GABRG3: variants seen among roughly 807,000 people sequenced by gnomAD.
GABRG3 encodes the protein gamma-aminobutyric acid receptor subunit gamma-3.
A neutral mutation model predicts 48.8 loss-of-function variants in GABRG3; 25 were observed. That is an observed-to-expected ratio of 0.51 (90% CI 0.37 to 0.72). The LOEUF is 0.72. Among genes scored for constraint, GABRG3 ranks in the 30% least tolerant of loss-of-function variants. The pLI is 0.00. For synonymous variants in GABRG3, 227 were observed against 217.6 expected (o/e 1.04, Z -0.38); for missense variants, 394 against 577.9 (o/e 0.68, Z 3.26).
intron 5 of GABRG3, among the ~76,000 whole-genome samples, chr15:27,463,377 G>T (rs2150836598): frequency 6.6e-6 from 1 of 152,212 alleles, no homozygotes; most frequent in Non-Finnish European, 1.5e-5. Context: ...TCACTAATTT[G>T]GTATGTAAAT....
intron 3 of GABRG3, among the ~76,000 whole-genome samples, chr15:27,049,919 G>A (rs1896428650): frequency 1.3e-5 from 2 of 152,176 alleles, no homozygotes. Flanking sequence ...CCCTCTTGTG[G>A]ACGGGCTGAT....
At chr15:27,406,427 G>C (rs1449992989) in intron 5 of GABRG3, among the ~76,000 whole-genome samples, 1 of 152,150 alleles carries the variant, frequency 6.6e-6, no homozygotes, top group East Asian at 1.9e-4. Context: ...TGGCATCCAA[G>C]TGATCAAGGT....
intron 3 of GABRG3, among the ~76,000 whole-genome samples, chr15:27,175,335 C>A (rs1048998437): frequency 1.3e-5 from 2 of 152,136 alleles, no homozygotes; most frequent in South Asian, 4.1e-4. Flanking sequence ...TCATCCACAG[C>A]CCTGACACCT....
intron 3 of GABRG3, 44 bp from the exon 4 acceptor site, chr15:27,326,765 T>C (rs1488556226): frequency 2.1e-6 from 3 of 1,461,442 alleles, no homozygotes; most frequent in East Asian, 4.5e-5. Flanking sequence ...ATACAGAACA[T>C]TTATTAATAG....
chr15:27,318,561 C>T (rs1893311065), intron 3 of GABRG3, among the ~76,000 whole-genome samples: 1 of 152,184 alleles, frequency 6.6e-6, no homozygotes, highest in Non-Finnish European at 1.5e-5. Flanking sequence ...CCAGCCCATC[C>T]CTAGGGCCGA....
chr15:27,007,767 G>T (rs972760967), intron 2 of GABRG3, among the ~76,000 whole-genome samples: 2 of 151,674 alleles, frequency 1.3e-5, no homozygotes, highest in African/African-American at 4.8e-5. Flanking sequence ...TTTGTTTTTT[G>T]CTTGCTGGTT....
chr15:27,061,183 C>A (rs1369399066), intron 3 of GABRG3, among the ~76,000 whole-genome samples: 1 of 152,178 alleles, frequency 6.6e-6, no homozygotes, highest in Non-Finnish European at 1.5e-5. Context: ...AAGTGAAAGG[C>A]CAATTGGTTG....
intron 3 of GABRG3, among the ~76,000 whole-genome samples, chr15:27,118,158 T>C (rs1228257253): frequency 6.6e-6 from 1 of 152,216 alleles, no homozygotes; most frequent in African/African-American, 2.4e-5. Context: ...AATAACTTAT[T>C]GAGTGTCAAA....
In GABRG3 at chr15:27,536,527, T is replaced by C. The variant is rs1392321544; in HGVS notation, c.*3646T>C. 1 of 152,186 alleles carries C rather than the reference T, an allele frequency of 6.6e-6. No homozygotes were observed. Among genetic ancestry groups the C allele is most frequent in the African/African-American group, 2.4e-5 (1 of 41,430 alleles). The allele number at this position is 152,186 out of a possible 1,614,324, so 9.4% of individuals were successfully genotyped here. A position where few individuals can be genotyped will look rare whatever the true frequency, so the allele number is the denominator to read the frequency against. Reference sequence around the variant, plus strand: ...TATGCCAAACAGTCTTACCCTTAATTTTACATCAAACCAATTAAGTACAAA... The same window carrying C: ...TATGCCAAACAGTCTTACCCTTAATCTTACATCAAACCAATTAAGTACAAA... On this transcript the variant is annotated 3_prime_UTR_variant, in exon 10 of 10. Transcript: ENST00000615808.
chr15:27,150,591 A>G (rs2110207), intron 3 of GABRG3, among the ~76,000 whole-genome samples: 23,561 of 152,158 alleles, frequency 0.15, 1,940 homozygotes, highest in Admixed American at 0.22. Context: ...TCTATCAACT[A>G]CGTTGATCCC....
At chr15:27,010,836 T>G (rs1479208432) in intron 2 of GABRG3, among the ~76,000 whole-genome samples, 2 of 152,116 alleles carry the variant, frequency 1.3e-5, no homozygotes, top group East Asian at 3.9e-4. Flanking sequence ...AGGTTGTTTT[T>G]GTTTGTTTGT....
chr15:27,298,788 C>G (rs1892091058), intron 3 of GABRG3, among the ~76,000 whole-genome samples: 1 of 151,920 alleles, frequency 6.6e-6, no homozygotes, highest in South Asian at 2.1e-4. Context: ...CTGCACCCAT[C>G]AACCTGTCAT....
Position 27,239,988 on chromosome 15 carries a change from G to A in GABRG3, c.271-86821G>A, listed in dbSNP as rs112309892. ...TACTAGTAATGATTGGTTATGCAGC[G>A]GATGTTAAATTCAGTCATTTAGTAC... On this transcript the variant is annotated intron_variant, in intron 3 of 9. Coordinates refer to ENST00000615808, the MANE Select transcript of GABRG3 (RefSeq NM_033223.5). 5.7e-3 allele frequency among the ~76,000 whole-genome samples: 873 copies of A among 152,134 alleles called. 11 individuals are homozygous for A. The highest frequency in any genetic ancestry group is 0.02 in the African/African-American group (818 of 41,480).
At chr15:27,495,065 T>A (rs2150851193) in intron 6 of GABRG3, among the ~76,000 whole-genome samples, 1 of 152,318 alleles carries the variant, frequency 6.6e-6, no homozygotes, top group Middle Eastern at 3.4e-3. Context: ...TTTATCAGTT[T>A]AATTGTAGTG....
At chr15:27,429,429 AT>A (rs1250281027) in intron 5 of GABRG3, among the ~76,000 whole-genome samples, 1 of 152,138 alleles carries the variant, frequency 6.6e-6, no homozygotes, top group Non-Finnish European at 1.5e-5. Flanking sequence ...CTTTAATGAG[AT>A]ATAATTCACA....
intron 5 of GABRG3, among the ~76,000 whole-genome samples, chr15:27,345,982 A>C: frequency 6.7e-6 from 1 of 150,180 alleles, no homozygotes; most frequent in Non-Finnish European, 1.5e-5. Flanking sequence ...GGAACCCAGG[A>C]GGTGGAGGTT....
chr15:27,253,492 C>CCCCA (rs1402873713), intron 3 of GABRG3, among the ~76,000 whole-genome samples: 1 of 152,222 alleles, frequency 6.6e-6, no homozygotes, highest in Non-Finnish European at 1.5e-5. Context: ...CAGGAGAACT[C>CCCCA]CCCACCTGGG....
intron 3 of GABRG3, among the ~76,000 whole-genome samples, chr15:27,273,596 A>C (rs1891158894): frequency 6.6e-6 from 1 of 152,220 alleles, no homozygotes; most frequent in African/African-American, 2.4e-5. Flanking sequence ...CTGGCAAGAA[A>C]TGGTTAGTCT....
chr15:27,410,596 A>C (rs1207369345), intron 5 of GABRG3, among the ~76,000 whole-genome samples: 2 of 152,178 alleles, frequency 1.3e-5, no homozygotes, highest in Non-Finnish European at 1.5e-5. Flanking sequence ...CTGACATTTG[A>C]CAGTTTCCTT....
Sources: gnomAD v4.1 joint callset for allele counts (sites outside exome capture counted in the v4.1 genomes callset) on GRCh38, gnomAD v4.1.1 for gene constraint, MANE v1.5 for transcripts, NCBI Gene and HGNC (gene_info 2026-07-23, HGNC 2026-07-21) for gene names.